The following NRXN3 variants were observed in gnomAD, a reference collection of about 807,000 sequenced individuals.
The protein encoded by NRXN3 is neurexin III.
Under a neutral mutation model 137.6 loss-of-function variants are expected in NRXN3, and 32 were observed. The ratio of observed to expected loss-of-function variants is 0.23; its 90% CI spans 0.18 to 0.31. The LOEUF is 0.31. NRXN3 is among the 10% of genes least tolerant of loss of function. NRXN3 has a pLI of 1.00. For synonymous variants in NRXN3, 798 were observed against 784.5 expected (o/e 1.02, Z -0.29); for missense variants, 1,574 against 2,062.5 (o/e 0.76, Z 4.59).
At chr14:78,884,562 C>G (rs879177759) in intron 10 of NRXN3, among the ~76,000 whole-genome samples, 5 of 152,162 alleles carry the variant, frequency 3.3e-5, no homozygotes, top group Admixed American at 2.6e-4. Flanking sequence ...ACCTATCCAA[C>G]TTGGATCTGT....
chr14:78,263,050 C>CT lies in NRXN3; in HGVS notation c.710-15586dup, dbSNP rs4019969. ...ATGTAGTACATTTTTGGTGAAGTCA[C>CT]TTTTTTTTTAGTTTATGGGATATGC... On this transcript the variant is annotated intron_variant, in intron 2 of 20. Transcript: ENST00000335750. Among the ~76,000 whole-genome samples, 167 of 150,540 alleles carry CT rather than the reference C, an allele frequency of 1.1e-3. 1 individual carries two copies. In the Middle Eastern group the frequency reaches 0.014, roughly 13 times the overall value.
chr14:78,750,170 T>G (rs1198753591), intron 8 of NRXN3, among the ~76,000 whole-genome samples: 1 of 152,230 alleles, frequency 6.6e-6, no homozygotes, highest in Non-Finnish European at 1.5e-5. Context: ...CCTCACACAC[T>G]GCCTTGCAAA....
intron 15 of NRXN3, among the ~76,000 whole-genome samples, chr14:79,032,788 G>T (rs533259708): frequency 6.6e-6 from 1 of 152,084 alleles, no homozygotes; most frequent in African/African-American, 2.4e-5. Flanking sequence ...TTAAGCACTA[G>T]AATTTGTGTT....
chr14:78,191,152 C>T (rs2060692508), intron 1 of NRXN3, among the ~76,000 whole-genome samples: 1 of 152,166 alleles, frequency 6.6e-6, no homozygotes, highest in Non-Finnish European at 1.5e-5. Flanking sequence ...TGTTTCATTA[C>T]AAGCAAATTC....
In NRXN3 at chr14:79,456,994, C is replaced by G. The variant is rs78679921; in HGVS notation, c.3263-10227C>G. 6.9e-3 allele frequency among the ~76,000 whole-genome samples: 1,034 copies of G among 150,044 alleles called. 8 individuals are homozygous for G. Among genetic ancestry groups the G allele is most frequent in the African/African-American group, 0.024 (965 of 40,712 alleles). The stretch of plus-strand genomic sequence containing the variant: ...CACGGCAGCTGTGTGTCTCTTATGT[C>G]ACAGTTTTATCATCAGAGAGGCACT... On this transcript the variant is annotated intron_variant, in intron 15 of 20. Coordinates refer to ENST00000335750, the MANE Select transcript of NRXN3 (RefSeq NM_001330195.2).
At chr14:79,224,762 G>A (rs904437840) in intron 15 of NRXN3, among the ~76,000 whole-genome samples, 4 of 152,146 alleles carry the variant, frequency 2.6e-5, no homozygotes, top group African/African-American at 9.7e-5. Flanking sequence ...AACATTGTGT[G>A]CAGACACAGA....
chr14:79,625,781 A>G (rs1397674176), intron 16 of NRXN3, among the ~76,000 whole-genome samples: 1 of 152,162 alleles, frequency 6.6e-6, no homozygotes, highest in African/African-American at 2.4e-5. Flanking sequence ...TTTTACAGAC[A>G]TAGCATCTGT....
chr14:78,794,997 A>G (rs1209782824), intron 8 of NRXN3, among the ~76,000 whole-genome samples: 1 of 152,018 alleles, frequency 6.6e-6, no homozygotes, highest in African/African-American at 2.4e-5. Flanking sequence ...TGGGAGGCTG[A>G]GGTGAGAGAA....
chr14:79,119,963 T>C (rs1379275798), intron 15 of NRXN3, among the ~76,000 whole-genome samples: 1 of 152,168 alleles, frequency 6.6e-6, no homozygotes, highest in Non-Finnish European at 1.5e-5. Flanking sequence ...ATTGTATTCA[T>C]ATTTATTTTA....
chr14:78,850,284 C>G (rs2099039091), intron 10 of NRXN3, among the ~76,000 whole-genome samples: 1 of 152,074 alleles, frequency 6.6e-6, no homozygotes. Context: ...TTACAGAACT[C>G]ACCCAAGGTT....
At chr14:78,756,957 G>C (rs1037984982) in intron 8 of NRXN3, among the ~76,000 whole-genome samples, 1 of 152,190 alleles carries the variant, frequency 6.6e-6, no homozygotes, top group Non-Finnish European at 1.5e-5. Context: ...TCTCTACTCA[G>C]CTGATGACTG....
intron 15 of NRXN3, among the ~76,000 whole-genome samples, chr14:79,338,084 A>G (rs1244998704): frequency 2.0e-5 from 3 of 152,096 alleles, no homozygotes; most frequent in Non-Finnish European, 4.4e-5. Context: ...GATTGTAACA[A>G]TGATTGGCGG....
At chr14:78,398,595 A>G (rs1308220334) in intron 4 of NRXN3, among the ~76,000 whole-genome samples, 1 of 152,122 alleles carries the variant, frequency 6.6e-6, no homozygotes, top group Non-Finnish European at 1.5e-5. Flanking sequence ...TCCCTATCTA[A>G]GAGTGAAAGA....
chr14:78,405,771 A>G (rs1294830539), intron 4 of NRXN3, among the ~76,000 whole-genome samples: 1 of 152,052 alleles, frequency 6.6e-6, no homozygotes, highest in Non-Finnish European at 1.5e-5. Context: ...ATTTCATTCA[A>G]CCCATACAAA....
intron 16 of NRXN3, among the ~76,000 whole-genome samples, chr14:79,603,205 T>C (rs186394810): frequency 9.3e-4 from 138 of 147,672 alleles, no homozygotes; most frequent in African/African-American, 3.6e-3. Flanking sequence ...ATGACAGCTT[T>C]GTTTCGTTAA....
At chr14:79,136,707 T>C (rs1326495754) in intron 15 of NRXN3, among the ~76,000 whole-genome samples, 2 of 152,154 alleles carry the variant, frequency 1.3e-5, no homozygotes, top group South Asian at 4.1e-4. Flanking sequence ...GCTTCATAAA[T>C]ACAAACGTTA....
chr14:78,933,221 G>T (rs942254695), intron 10 of NRXN3, among the ~76,000 whole-genome samples: 1 of 152,198 alleles, frequency 6.6e-6, no homozygotes, highest in Admixed American at 6.5e-5. Flanking sequence ...ACAGAATGTG[G>T]CTCATAGTTG....
intron 10 of NRXN3, among the ~76,000 whole-genome samples, chr14:78,844,681 A>G (rs1251212974): frequency 6.6e-6 from 1 of 152,112 alleles, no homozygotes; most frequent in Non-Finnish European, 1.5e-5. Context: ...AACAGATTTT[A>G]AACTACTTTA....
At chr14:79,487,301 A>G (rs888804811) in intron 16 of NRXN3, among the ~76,000 whole-genome samples, 1 of 152,052 alleles carries the variant, frequency 6.6e-6, no homozygotes, top group Non-Finnish European at 1.5e-5. Context: ...AGTCCTTCAT[A>G]TCACTGCATC....
Sources: gnomAD v4.1 joint callset for allele counts (sites outside exome capture counted in the v4.1 genomes callset) on GRCh38, gnomAD v4.1.1 for gene constraint, MANE v1.5 for transcripts, NCBI Gene and HGNC (gene_info 2026-07-23, HGNC 2026-07-21) for gene names.